The following TXK variants were observed in gnomAD, a reference collection of about 807,000 sequenced individuals.
The protein encoded by TXK is tyrosine-protein kinase TXK.
A neutral mutation model predicts 81.0 loss-of-function variants in TXK; 60 were observed. The observed-to-expected ratio is 0.74, with a 90% CI of 0.60 to 0.92. TXK has a LOEUF of 0.92. Among genes scored for constraint, TXK ranks in the 40% least tolerant of loss-of-function variants. The pLI, the probability that TXK is intolerant of heterozygous loss-of-function variation, is 0.00. For missense variants in TXK, 581 were observed against 638.3 expected, an observed-to-expected ratio of 0.91 and a Z score of 0.97; for synonymous variants, 203 against 210.7, an observed-to-expected ratio of 0.96 and a Z score of 0.32.
chr4:48,104,679 CT>C (rs202139609), intron 6 of TXK, among the ~76,000 whole-genome samples: 4,266 of 132,004 alleles, frequency 0.032, 335 homozygotes, highest in African/African-American at 0.12. Flanking sequence ...AGCTGAAAGC[CT>C]TTCAGGAGAA....
At chr4:48,109,069 C>CA (rs1375111577) in intron 5 of TXK, among the ~76,000 whole-genome samples, 5 of 152,030 alleles carry the variant, frequency 3.3e-5, no homozygotes, top group Middle Eastern at 6.3e-3. Context: ...TAAATACATA[C>CA]AAAATCTCTG....
chr4:48,090,503 A>G (rs2109427754), intron 8 of TXK, among the ~76,000 whole-genome samples: 1 of 152,332 alleles, frequency 6.6e-6, no homozygotes, highest in Middle Eastern at 3.4e-3. Flanking sequence ...TATACATCAA[A>G]TGTCTCTTTT....
chr4:48,077,796 G>C (rs1392742528), intron 11 of TXK, among the ~76,000 whole-genome samples: 1 of 152,110 alleles, frequency 6.6e-6, no homozygotes, highest in South Asian at 2.1e-4. Flanking sequence ...GCTAGACACT[G>C]TTTATTAATT....
chr4:48,114,411 CAG>C lies in TXK; in HGVS notation c.17-11_17-10del, dbSNP rs1718738011. 6.2e-7 allele frequency: 1 copy of C among 1,614,052 alleles called. No homozygotes were observed. Among genetic ancestry groups the C allele is most frequent in the Non-Finnish European group, 8.5e-7 (1 of 1,179,964 alleles). ...CGACTGGATGGTGTTATCTGAAAAG[CAG>C]ATCATTTCTCAGCTGTTAGAAAGCC... On this transcript the variant is annotated splice_polypyrimidine_tract_variant and intron_variant, in intron 1 of 14. Transcript: ENST00000264316.
intron 14 of TXK, among the ~76,000 whole-genome samples, chr4:48,070,474 T>A (rs933958738): frequency 1.3e-5 from 2 of 152,200 alleles, no homozygotes; most frequent in Non-Finnish European, 2.9e-5. Context: ...CAAAGTTGAG[T>A]GAAGTAAATG....
At chr4:48,129,880 G>C (rs1048117507) in intron 1 of TXK, among the ~76,000 whole-genome samples, 1 of 152,088 alleles carries the variant, frequency 6.6e-6, no homozygotes, top group Non-Finnish European at 1.5e-5. Flanking sequence ...CCAAGACATC[G>C]AGCCAGCTTG....
chr4:48,133,139 T>G (rs1168923809), intron 1 of TXK, among the ~76,000 whole-genome samples: 1 of 152,080 alleles, frequency 6.6e-6, no homozygotes, highest in African/African-American at 2.4e-5. Context: ...CCATAGTAGG[T>G]GCTCAATAAA....
At chr4:48,133,127 G>GC (rs1023214473) in intron 1 of TXK, among the ~76,000 whole-genome samples, 1 of 152,110 alleles carries the variant, frequency 6.6e-6, no homozygotes, top group Non-Finnish European at 1.5e-5. Context: ...ATAGACCATG[G>GC]CCCATAGTAG....
intron 13 of TXK, 120 bp downstream of exon 13, chr4:48,073,815 G>T: frequency 1.5e-6 from 1 of 686,426 alleles, no homozygotes; most frequent in African/African-American, 1.8e-5. Context: ...ACAGAAGGAA[G>T]CACAATTACA....
chr4:48,067,328 C>T lies in TXK; in HGVS notation c.*309G>A. The T allele has an allele frequency of 3.7e-6, 1 of 267,834 alleles. No individual in the cohort carries two copies. Among genetic ancestry groups the T allele is most frequent in the Non-Finnish European group, 7.2e-6 (1 of 138,396 alleles). The allele number at this position is 267,834 out of a possible 1,614,324, so 16.6% of individuals were successfully genotyped here. Reference sequence around the variant, plus strand: ...TTGTGAAGAAGAACCTCAAGGGTTCCTGGGGCTATGATCATGAAGAGCACC... The same window carrying T: ...TTGTGAAGAAGAACCTCAAGGGTTCTTGGGGCTATGATCATGAAGAGCACC... On this transcript the variant is annotated 3_prime_UTR_variant, in exon 15 of 15. Transcript: ENST00000264316.
chr4:48,110,390 A>G, intron 5 of TXK, 148 bp downstream of exon 5: 1 of 607,904 alleles, frequency 1.6e-6, no homozygotes, highest in Non-Finnish European at 2.9e-6. Context: ...TTCTGAATCA[A>G]CCATGATAAG....
rs57819050 is a variant in TXK, at chr4:48,080,662, TCACACACACA to T, written c.957-544_957-535del. 4.2e-3 allele frequency among the ~76,000 whole-genome samples: 612 copies of T among 144,572 alleles called. 4 individuals are homozygous for T. Among genetic ancestry groups the T allele is most frequent in the African/African-American group, 0.012 (470 of 38,920 alleles). The allele number at this position is 144,572 out of a possible 152,430, so 94.8% of individuals were successfully genotyped here. On this transcript the variant is annotated intron_variant, in intron 10 of 14. Coordinates refer to ENST00000264316, the MANE Select transcript of TXK (RefSeq NM_003328.3). ...TGAAAACTTGCAGTGTATTTGGTAATCACACACACACACACACACACACACACACACACAC... is the reference window on the plus strand; with the variant it reads ...TGAAAACTTGCAGTGTATTTGGTAATCACACACACACACACACACACACAC...
chr4:48,129,981 G>A (rs1719205060), intron 1 of TXK, among the ~76,000 whole-genome samples: 1 of 152,256 alleles, frequency 6.6e-6, no homozygotes. Flanking sequence ...GGTGGGCAGG[G>A]AGTGTGGGCA....
At chr4:48,078,966 A>G (rs1717179066) in intron 11 of TXK, among the ~76,000 whole-genome samples, 1 of 152,204 alleles carries the variant, frequency 6.6e-6, no homozygotes, top group Non-Finnish European at 1.5e-5. Context: ...AAGAAGGGAG[A>G]ATGGAAAGGA....
At chr4:48,072,043 T>C (rs1050553769) in intron 13 of TXK, among the ~76,000 whole-genome samples, 1 of 150,724 alleles carries the variant, frequency 6.6e-6, no homozygotes, top group Admixed American at 6.6e-5. Context: ...AACCTCTGTC[T>C]ACCGGGCTGG....
chr4:48,106,230 T>C (rs888503101), intron 5 of TXK: 4 of 152,188 alleles, frequency 2.6e-5, no homozygotes, highest in African/African-American at 9.6e-5. Context: ...CTTAATCTAA[T>C]ATTGCCAGAT....
chr4:48,115,386 G>A (rs950239148), intron 1 of TXK, among the ~76,000 whole-genome samples: 2 of 151,960 alleles, frequency 1.3e-5, no homozygotes, highest in Admixed American at 6.5e-5. Flanking sequence ...GAACTCATTC[G>A]TTTTTATGGC....
At chr4:48,085,020 AAAT>A (rs1467336459) in intron 10 of TXK, among the ~76,000 whole-genome samples, 1 of 152,228 alleles carries the variant, frequency 6.6e-6, no homozygotes, top group Non-Finnish European at 1.5e-5. Context: ...AGCAGAATCT[AAAT>A]AATGTCATCT....
chr4:48,134,108 C>T (rs770629059), intron 1 of TXK, 47 bp downstream of exon 1: 1 of 1,609,776 alleles, frequency 6.2e-7, no homozygotes, highest in South Asian at 1.1e-5. Context: ...GAATAACAGG[C>T]CCCAGAACAA....
Sources: gnomAD v4.1 joint callset for allele counts (sites outside exome capture counted in the v4.1 genomes callset) on GRCh38, gnomAD v4.1.1 for gene constraint, MANE v1.5 for transcripts, NCBI Gene and HGNC (gene_info 2026-07-23, HGNC 2026-07-21) for gene names.